Variants in TMEM132B observed in about 807,000 individuals in gnomAD.
The protein encoded by TMEM132B is transmembrane protein 132B.
A neutral mutation model predicts 90.8 loss-of-function variants in TMEM132B; 18 were observed. The ratio of observed to expected loss-of-function variants is 0.20; its 90% confidence interval spans 0.14 to 0.29. The LOEUF (loss-of-function observed/expected upper bound fraction) is 0.29. Among genes scored for constraint, TMEM132B ranks in the 10% least tolerant of loss-of-function variants. The pLI is 1.00. For missense variants in TMEM132B, 1,096 were observed against 1,326.8 expected, an observed-to-expected ratio of 0.83 and a Z score of 2.70; for synonymous variants, 504 against 523.3, an observed-to-expected ratio of 0.96 and a Z score of 0.50.
intron 4 of TMEM132B, among the ~76,000 whole-genome samples, chr12:125,569,428 G>C (rs966939295): frequency 3.9e-5 from 6 of 152,168 alleles, no homozygotes; most frequent in African/African-American, 1.4e-4. Context: ...CTTAGTTGCA[G>C]GTTCCTTGAG....
chr12:125,239,214 A>G (rs1002534783), intron 1 of TMEM132B, among the ~76,000 whole-genome samples: 1 of 151,924 alleles, frequency 6.6e-6, no homozygotes, highest in African/African-American at 2.4e-5. Context: ...GAAGAGTGTG[A>G]GATTTTGTGG....
chr12:125,207,766 C>T (rs1873216470), intron 1 of TMEM132B, among the ~76,000 whole-genome samples: 1 of 152,196 alleles, frequency 6.6e-6, no homozygotes, highest in Admixed American at 6.5e-5. Flanking sequence ...CCCCAGGCCT[C>T]CACCATCTTT....
At chr12:125,550,301 C>T (rs1232324804) in intron 4 of TMEM132B, among the ~76,000 whole-genome samples, 1 of 152,204 alleles carries the variant, frequency 6.6e-6, no homozygotes, top group Non-Finnish European at 1.5e-5. Context: ...TCCTTGGGTA[C>T]TCTCCCTCAG....
At chr12:125,239,797 C>T (rs1234738070) in intron 1 of TMEM132B, among the ~76,000 whole-genome samples, 1 of 152,226 alleles carries the variant, frequency 6.6e-6, no homozygotes, top group African/African-American at 2.4e-5. Context: ...GGCCCCACTG[C>T]CTGCTCATGG....
chr12:125,257,916 C>T (rs891316002), intron 1 of TMEM132B, among the ~76,000 whole-genome samples: 2 of 152,166 alleles, frequency 1.3e-5, no homozygotes, highest in Non-Finnish European at 2.9e-5. Context: ...GAATTCAGCC[C>T]AGTGTTGCTG....
rs570420410 is a variant in TMEM132B at position 125,632,329 on chromosome 12, A to G, written c.1438-11747A>G. 9.2e-5 allele frequency among the ~76,000 whole-genome samples: 14 copies of G among 152,176 alleles called. No individual in the cohort carries two copies. In the East Asian group the frequency reaches 2.7e-3, roughly 29 times the overall value. On this transcript the variant is annotated intron_variant, in intron 5 of 8. Transcript: ENST00000682704. ...TTTAAACTTTTTGTTGTTTCTGTTTATATTTTTTTGTACTATGTCCTGAAG... is the reference window on the plus strand; with the variant it reads ...TTTAAACTTTTTGTTGTTTCTGTTTGTATTTTTTTGTACTATGTCCTGAAG...
intron 5 of TMEM132B, among the ~76,000 whole-genome samples, chr12:125,643,873 C>T (rs1041454040): frequency 2.0e-5 from 3 of 152,132 alleles, no homozygotes; most frequent in African/African-American, 7.2e-5. Context: ...TTTTGTAATA[C>T]AAAATAGTTT....
intron 3 of TMEM132B, among the ~76,000 whole-genome samples, chr12:125,424,760 A>G (rs1006638825): frequency 7.2e-5 from 11 of 152,214 alleles, no homozygotes; most frequent in Admixed American, 5.2e-4. Flanking sequence ...TCTTCCTGCA[A>G]CAGTGGAAAA....
Position 125,561,683 on chromosome 12 carries a change from G to T in TMEM132B, c.1294-22168G>T, listed in dbSNP as rs1424154608. On this transcript the variant is annotated intron_variant, in intron 4 of 8. Transcript: ENST00000682704. ...TTAAGTGACTGTGCGTTATCAATAA[G>T]CAGTAATAGTTTTAGAGGAATCTTT... Among the ~76,000 whole-genome samples, 3 of 152,090 alleles carry T rather than the reference G, an allele frequency of 2.0e-5. No homozygotes were observed. In the East Asian group the frequency reaches 5.8e-4, roughly 29 times the overall value.
intron 3 of TMEM132B, among the ~76,000 whole-genome samples, chr12:125,424,398 T>G (rs1792923184): frequency 6.6e-6 from 1 of 152,214 alleles, no homozygotes; most frequent in South Asian, 2.1e-4. Context: ...AAAAAATTAA[T>G]TTGATAGTTG....
rs539606798 is a variant in TMEM132B, at chr12:125,518,971, T to C, written c.1107-468T>C. On this transcript the variant is annotated intron_variant, in intron 3 of 8. Coordinates refer to ENST00000682704, the MANE Select transcript of TMEM132B (RefSeq NM_001366854.1). ...CACTATTCTCTGCAAATTCTAAAGC[T>C]TGGAGAGTTTTAACAACTGGTCTAC... 2.0e-5 allele frequency among the ~76,000 whole-genome samples: 3 copies of C among 152,314 alleles called. No homozygotes were observed. In the South Asian group the frequency reaches 6.2e-4, roughly 32 times the overall value.
At chr12:125,582,747 G>GT (rs1161192884) in intron 4 of TMEM132B, among the ~76,000 whole-genome samples, 1 of 152,196 alleles carries the variant, frequency 6.6e-6, no homozygotes, top group East Asian at 1.9e-4. Context: ...TACCAGTTCT[G>GT]TTCTAAGCTT....
intron 1 of TMEM132B, among the ~76,000 whole-genome samples, chr12:125,222,859 T>A (rs147406644): frequency 6.6e-6 from 1 of 152,250 alleles, no homozygotes; most frequent in East Asian, 1.9e-4. Context: ...TTGCCCCCAT[T>A]GGAGAACTCA....
chr12:125,383,152 C>G (rs1466007320), intron 2 of TMEM132B, among the ~76,000 whole-genome samples: 1 of 152,194 alleles, frequency 6.6e-6, no homozygotes, highest in Admixed American at 6.5e-5. Context: ...AGATAATTGC[C>G]TCTTTGATTT....
intron 2 of TMEM132B, among the ~76,000 whole-genome samples, chr12:125,400,105 T>C (rs1879275203): frequency 6.6e-6 from 1 of 152,244 alleles, no homozygotes; most frequent in African/African-American, 2.4e-5. Context: ...CAGTTGCTGA[T>C]ACCTAGCCAT....
At chr12:125,291,378 A>T (rs1307818926) in intron 1 of TMEM132B, among the ~76,000 whole-genome samples, 1 of 152,240 alleles carries the variant, frequency 6.6e-6, no homozygotes, top group Non-Finnish European at 1.5e-5. Context: ...CCAGATGGGC[A>T]TGATCTAATC....
intron 3 of TMEM132B, among the ~76,000 whole-genome samples, chr12:125,419,992 G>A (rs1555247833): frequency 6.6e-6 from 1 of 152,222 alleles, no homozygotes; most frequent in Non-Finnish European, 1.5e-5. Flanking sequence ...TGATGCAAAA[G>A]GTAGGTTCCC....
At chr12:125,533,796 C>T (rs544724759) in intron 4 of TMEM132B, among the ~76,000 whole-genome samples, 31 of 152,342 alleles carry the variant, frequency 2.0e-4, no homozygotes, top group Admixed American at 2.0e-3. Context: ...TCCTGCAGCC[C>T]GAGCCAGCGC....
intron 5 of TMEM132B, among the ~76,000 whole-genome samples, chr12:125,632,654 A>C (rs1886393002): frequency 6.6e-6 from 1 of 152,098 alleles, no homozygotes; most frequent in Non-Finnish European, 1.5e-5. Flanking sequence ...TATTTTGGCC[A>C]AGATGTACTA....
Sources: gnomAD v4.1 joint callset for allele counts (sites outside exome capture counted in the v4.1 genomes callset) on GRCh38, gnomAD v4.1.1 for gene constraint, MANE v1.5 for transcripts, NCBI Gene and HGNC (gene_info 2026-07-23, HGNC 2026-07-21) for gene names.